Variants in NPHS1 observed in about 807,000 individuals in gnomAD.
The protein encoded by NPHS1 is NPHS1 adhesion molecule, nephrin.
In NPHS1, 107 loss-of-function variants were observed where a neutral mutation model predicts 139.7. The observed-to-expected ratio is 0.77, with a 90% confidence interval of 0.66 to 0.90. The LOEUF (loss-of-function observed/expected upper bound fraction) is 0.90. Among genes scored for constraint, NPHS1 ranks in the 40% least tolerant of loss-of-function variants. The pLI, the probability that NPHS1 is intolerant of heterozygous loss-of-function variation, is 0.00. For missense variants in NPHS1, 1,580 were observed against 1,654.2 expected (o/e 0.96, Z 0.78); for synonymous variants, 707 against 706.6 (o/e 1.00, Z -0.01).
intron 22 of NPHS1, 92 bp downstream of exon 22, chr19:35,839,145 C>T: frequency 8.1e-7 from 1 of 1,240,810 alleles, no homozygotes. Context: ...GCCTCAGTAA[C>T]TCATCATAAA....
In NPHS1 at chr19:35,849,081, C is replaced by CCAG; in HGVS notation, c.904_906dup (p.Leu302dup). On this transcript the variant is annotated inframe_insertion, in exon 8 of 29. Coordinates refer to ENST00000378910, the MANE Select transcript of NPHS1 (RefSeq NM_004646.4). ...TGGTCTTCTGGCCTCACGGTCATCA[C>CCAG]CAGCACACTGCGGGCCACCGCCTGG... 6.2e-7 allele frequency: 1 copy of CCAG among 1,610,502 alleles called. No homozygotes were observed. Among genetic ancestry groups the CCAG allele is most frequent in the South Asian group, 1.1e-5 (1 of 91,080 alleles).
chr19:35,842,372 T>C lies in NPHS1; in HGVS notation c.2506+7A>G, dbSNP rs2146819639. On this transcript the variant is annotated splice_region_variant and intron_variant, in intron 18 of 28. Coordinates refer to ENST00000378910, the MANE Select transcript of NPHS1 (RefSeq NM_004646.4). The stretch of plus-strand genomic sequence containing the variant: ...GTCTTGAAGTCAGGTGTTTGGGTAA[T>C]ACCCACATCTGACAACAAGACGGAG... The C allele has an allele frequency of 1.9e-6, 3 of 1,613,550 alleles. No individual in the cohort carries two copies. Among genetic ancestry groups the C allele is most frequent in the South Asian group, 1.1e-5 (1 of 91,078 alleles).
At position 35,851,575 on chromosome 19, in the gene NPHS1, A is replaced by G; in HGVS notation, c.156T>C (p.Arg52=). 6.2e-7 allele frequency: 1 copy of G among 1,613,944 alleles called. No homozygotes were observed. ...CACTGCCAGGGGTGCTGACCCCACA[A>G]CGCAGCTCCACTGAGGCCCCCTCCA... The part of the protein sequence containing the change: ...TVVEGASVEL[R]CGVSTPGSAV... Residue 52 remains arginine (R), a synonymous_variant, in exon 2 of 29, where the codon CGT becomes CGC. Coordinates refer to ENST00000378910, the MANE Select transcript of NPHS1 (RefSeq NM_004646.4).
chr19:35,839,824 G>A (rs1403707626), intron 20 of NPHS1, among the ~76,000 whole-genome samples: 1 of 149,306 alleles, frequency 6.7e-6, no homozygotes, highest in African/African-American at 2.6e-5. Flanking sequence ...AAAGATGCTT[G>A]AGCCCAGGAG....
Position 35,848,684 on chromosome 19 carries a change from A to C in NPHS1, c.1123T>G (p.Trp375Gly). 6.2e-7 allele frequency: 1 copy of C among 1,614,026 alleles called. No homozygotes were observed. Among genetic ancestry groups the C allele is most frequent in the Non-Finnish European group, 8.5e-7 (1 of 1,180,034 alleles). Residue 375 changes from tryptophan to glycine, a missense_variant, in exon 9 of 29, where the codon TGG (tryptophan) becomes GGG (glycine). Physicochemically the swap from Trp to Gly is radical, Grantham distance 184 (BLOSUM62 -2). Coordinates refer to ENST00000378910, the MANE Select transcript of NPHS1 (RefSeq NM_004646.4). ...GGCAGCAGCTGCCGCCAGCCCAGCC[A>C]CCATCGTAGCAGAACCCGCGGGCGA... Reference protein sequence around the residue: ...SSRPRVLLRWWLGWRQLLPME... With the variant: ...SSRPRVLLRWGLGWRQLLPME...
chr19:35,835,378 C>T (rs1040465474), intron 23 of NPHS1, among the ~76,000 whole-genome samples: 4 of 140,460 alleles, frequency 2.8e-5, no homozygotes, highest in African/African-American at 1.1e-4. Flanking sequence ...TAGCTCACTG[C>T]ATCCTCCAAC....
chr19:35,845,928 C>T lies in NPHS1; in HGVS notation c.1627+80G>A. ...CCGCCTCCGCCCGCTTTCCCCGGGTCCAGGGTTCGCTGGGTCCCTGCCCCA... is the reference window on the plus strand; with the variant it reads ...CCGCCTCCGCCCGCTTTCCCCGGGTTCAGGGTTCGCTGGGTCCCTGCCCCA... On this transcript the variant is annotated intron_variant, in intron 12 of 28. Coordinates refer to ENST00000378910, the MANE Select transcript of NPHS1 (RefSeq NM_004646.4). The surrounding 1 kb of genome is among the most constrained non-coding windows in gnomAD (Gnocchi z 5.5). The T allele has an allele frequency of 6.5e-7, 1 of 1,527,710 alleles. No homozygotes were observed. The allele number at this position is 1,527,710 out of a possible 1,614,324, so 94.6% of individuals were successfully genotyped here.
intron 17 of NPHS1, among the ~76,000 whole-genome samples, 161 bp downstream of exon 17, chr19:35,843,311 C>A (rs1973087129): frequency 6.6e-6 from 1 of 152,192 alleles, no homozygotes; most frequent in Non-Finnish European, 1.5e-5. Flanking sequence ...TCCATGCATT[C>A]ATTTTGCCAC....
intron 26 of NPHS1, 67 bp downstream of exon 26, chr19:35,831,229 C>T: frequency 4.4e-6 from 7 of 1,608,690 alleles, no homozygotes; most frequent in Non-Finnish European, 2.6e-6. Context: ...CAACCTGATG[C>T]TAACGGCAGG....
chr19:35,841,875 A>AAGGT lies in NPHS1; in HGVS notation c.2664-13_2664-10dup. On this transcript the variant is annotated splice_polypyrimidine_tract_variant and intron_variant, in intron 19 of 28. Transcript: ENST00000378910. ...ATGTGTGCTCCGTGTACCTAGAGAG[A>AAGGT]AGGTAGGGCACCACTCACCCTTCCA... The AAGGT allele has an allele frequency of 6.2e-7, 1 of 1,602,274 alleles. No homozygotes were observed. The highest frequency in any genetic ancestry group is 1.3e-5 in the African/African-American group (1 of 74,840).
In NPHS1 at chr19:35,845,929, C is replaced by T; in HGVS notation, c.1627+79G>A. 6.5e-7 allele frequency: 1 copy of T among 1,529,208 alleles called. No individual in the cohort carries two copies. Among genetic ancestry groups the T allele is most frequent in the Non-Finnish European group, 8.8e-7 (1 of 1,134,712 alleles). The allele number at this position is 1,529,208 out of a possible 1,614,324, so 94.7% of individuals were successfully genotyped here. On this transcript the variant is annotated intron_variant, in intron 12 of 28. Coordinates refer to ENST00000378910, the MANE Select transcript of NPHS1 (RefSeq NM_004646.4). The surrounding 1 kb of genome is among the most constrained non-coding windows in gnomAD (Gnocchi z 5.5). ...CGCCTCCGCCCGCTTTCCCCGGGTCCAGGGTTCGCTGGGTCCCTGCCCCAC... is the reference window on the plus strand; with the variant it reads ...CGCCTCCGCCCGCTTTCCCCGGGTCTAGGGTTCGCTGGGTCCCTGCCCCAC...
intron 20 of NPHS1, among the ~76,000 whole-genome samples, chr19:35,840,025 A>G (rs923778695): frequency 6.8e-6 from 1 of 147,422 alleles, no homozygotes; most frequent in Non-Finnish European, 1.5e-5. Flanking sequence ...TTTTTTTTAG[A>G]TGGAGTTTCA....
At position 35,842,212 on chromosome 19, in the gene NPHS1, C is replaced by A; in HGVS notation, c.2575G>T (p.Ala859Ser). The A allele has an allele frequency of 1.9e-6, 3 of 1,612,944 alleles. No individual in the cohort carries two copies. The highest frequency in any genetic ancestry group is 2.5e-6 in the Non-Finnish European group (3 of 1,179,642). The change falls in exon 19 of 29, where the codon GCC (alanine) becomes TCC (serine). Residue 859 changes from alanine (A) to serine (S), a missense_variant. Physicochemically the swap from Ala to Ser is moderately conservative, Grantham distance 99. Transcript: ENST00000378910. ...VAAAGDSTSS[A>S]TLHCRARGVP... ...CCTCGGGCACGGCAGTGGAGGGTGGCAGAACTGGTGCTGTCTCCAGCTGCA... is the reference window on the plus strand; with the variant it reads ...CCTCGGGCACGGCAGTGGAGGGTGGAAGAACTGGTGCTGTCTCCAGCTGCA...
chr19:35,844,272 C>A (rs762118664), intron 15 of NPHS1, 29 bp from the exon 16 acceptor site: 6 of 1,613,796 alleles, frequency 3.7e-6, no homozygotes, highest in Non-Finnish European at 5.1e-6. Flanking sequence ...AGGGACCTGG[C>A]AGGACCTCCC....
intron 20 of NPHS1, among the ~76,000 whole-genome samples, chr19:35,840,689 ATT>A (rs533775109): frequency 1.1e-4 from 13 of 116,846 alleles, no homozygotes; most frequent in Admixed American, 9.1e-5. Flanking sequence ...TCAATACATG[ATT>A]TTTTTTTTTT....
intron 28 of NPHS1, among the ~76,000 whole-genome samples, chr19:35,829,320 A>T (rs56345319): frequency 0.35 from 53,355 of 151,968 alleles, 10,404 homozygotes; most frequent in East Asian, 0.66. Flanking sequence ...AAACAGGTAT[A>T]CTCTTTCTTT....
rs550845716 is a variant in NPHS1, at chr19:35,826,242, C to T, written c.*272G>A. The T allele has an allele frequency of 4.4e-5, 19 of 427,820 alleles. No homozygotes were observed. The highest frequency in any genetic ancestry group is 1.7e-4 in the Admixed American group (5 of 28,578). The allele number at this position is 427,820 out of a possible 1,614,324, so 26.5% of individuals were successfully genotyped here. Reference sequence around the variant, plus strand: ...GATTATAGGCGTGAGTCACCGCACCCGGCAGCATTTCATTTTTGAGACGAC... The same window carrying T: ...GATTATAGGCGTGAGTCACCGCACCTGGCAGCATTTCATTTTTGAGACGAC... On this transcript the variant is annotated 3_prime_UTR_variant, in exon 29 of 29. Transcript: ENST00000378910.
chr19:35,827,361 G>A (rs1263348240), intron 28 of NPHS1, among the ~76,000 whole-genome samples: 1 of 152,012 alleles, frequency 6.6e-6, no homozygotes, highest in Non-Finnish European at 1.5e-5. Context: ...TACTCAGGAG[G>A]CTGAGGTAAG....
chr19:35,826,927 G>A (rs2146803573), intron 28 of NPHS1, among the ~76,000 whole-genome samples: 1 of 152,256 alleles, frequency 6.6e-6, no homozygotes, highest in Non-Finnish European at 1.5e-5. Flanking sequence ...CTTGAGACCA[G>A]GAGTTCGAGA....
Sources: gnomAD v4.1 joint callset for allele counts (sites outside exome capture counted in the v4.1 genomes callset) on GRCh38, gnomAD v4.1.1 for gene constraint, Gnocchi (gnomAD v3.1) non-coding constraint, MANE v1.5 for transcripts, NCBI Gene and HGNC (gene_info 2026-07-23, HGNC 2026-07-21) for gene names.